The following B3GAT1 variants were observed in gnomAD, a reference collection of about 807,000 sequenced individuals.
The protein encoded by B3GAT1 is galactosylgalactosylxylosylprotein 3-beta-glucuronosyltransferase 1.
Under a neutral mutation model 28.4 loss-of-function variants are expected in B3GAT1, and 11 were observed. The observed-to-expected ratio is 0.39, with a 90% CI of 0.24 to 0.64. B3GAT1 has a LOEUF of 0.64. B3GAT1 is among the 30% of genes least tolerant of loss of function. The pLI is 0.50. For missense variants in B3GAT1, 375 were observed against 491.0 expected (o/e 0.76, Z 2.23); for synonymous variants, 255 against 223.1 (o/e 1.14, Z -1.27).
chr11:134,382,691 G>A lies in B3GAT1; in HGVS notation c.918+19C>T, dbSNP rs1944162342. ...TTGAGACATTGCATCACAGCTGTCA[G>A]TTCTGCGGAGGGTCTCACCTTGGTG... On this transcript the variant is annotated intron_variant, in intron 4 of 5. Coordinates refer to ENST00000312527, the MANE Select transcript of B3GAT1 (RefSeq NM_054025.3). The A allele has an allele frequency of 1.2e-6, 2 of 1,605,228 alleles. No homozygotes were observed. Among genetic ancestry groups the A allele is most frequent in the South Asian group, 2.2e-5 (2 of 90,214 alleles).
In B3GAT1 at chr11:134,382,776, T is replaced by C; in HGVS notation, c.852A>G (p.Glu284=). 1 of 1,614,164 alleles carries C rather than the reference T, an allele frequency of 6.2e-7. No homozygotes were observed. The highest frequency in any genetic ancestry group is 8.5e-7 in the Non-Finnish European group (1 of 1,180,018). ...TGACAAGTTCTCGAAGGAGGCTGCTTTCCTGGTAGCCTCCCTTCACACCTC... is the reference window on the plus strand; with the variant it reads ...TGACAAGTTCTCGAAGGAGGCTGCTCTCCTGGTAGCCTCCCTTCACACCTC... ...KLRGVKGGYQ[E]SSLLRELVTL... is the part of the protein sequence containing the mutation. The change falls in exon 4 of 6, where the codon GAA becomes GAG. Residue 284 remains glutamate (E), a synonymous_variant. Coordinates refer to ENST00000312527, the MANE Select transcript of B3GAT1 (RefSeq NM_054025.3).
intron 4 of B3GAT1, 76 bp from the exon 5 acceptor site, chr11:134,382,100 A>T (rs1028223011): frequency 1.7e-6 from 2 of 1,199,802 alleles, no homozygotes; most frequent in Admixed American, 3.4e-5. Context: ...TCCCTCCCAC[A>T]CTGTGTAAAC....
chr11:134,385,199 C>G (rs1944247465), intron 2 of B3GAT1: 1 of 152,338 alleles, frequency 6.6e-6, no homozygotes, highest in African/African-American at 2.4e-5. Context: ...ACAGTTTCCT[C>G]TCTTGCGGAA....
At position 134,411,670 on chromosome 11, in the gene B3GAT1, G is replaced by GCA. The variant is rs149891710; in HGVS notation, c.-282+135_-282+136dup. ...TCCAGCTGCCCCCAGCGCGCGCAGC[G>GCA]CACACACACACACACACACACACAC... On this transcript the variant is annotated intron_variant, in intron 1 of 5. Transcript: ENST00000312527. The surrounding 1 kb of genome is among the most constrained non-coding windows in gnomAD (Gnocchi z 6.0). The GCA allele has an allele frequency of 0.052, 7,505 of 144,662 alleles. 236 individuals are homozygous for GCA. The highest frequency in any genetic ancestry group is 0.097 in the African/African-American group (3,841 of 39,652). The allele number at this position is 144,662 out of a possible 1,614,324, so 9.0% of individuals were successfully genotyped here.
intron 3 of B3GAT1, 127 bp from the exon 4 acceptor site, chr11:134,383,133 G>A (rs1484996231): frequency 9.3e-7 from 1 of 1,076,040 alleles, no homozygotes; most frequent in Non-Finnish European, 1.3e-6. Flanking sequence ...CCACCTAGGG[G>A]GTGTCCAGTA....
At chr11:134,405,862 T>A (rs1222136780) in intron 1 of B3GAT1, among the ~76,000 whole-genome samples, 1 of 152,230 alleles carries the variant, frequency 6.6e-6, no homozygotes, top group Non-Finnish European at 1.5e-5. Context: ...AGCACCAGCC[T>A]GGCTACCAAT....
Position 134,384,061 on chromosome 11 carries a change from G to A in B3GAT1, c.240C>T (p.Ser80=). Residue 80 remains serine (S), a synonymous_variant, in exon 3 of 6, where the codon TCC becomes TCT. Transcript: ENST00000312527. ...EYVYTRPPPW[S]DTLPTIHVVT... ...CCACGTGGATGGTGGGCAGCGTGTC[G>A]GACCATGGCGGGGGCCGCGTGTACA... 1 of 1,604,168 alleles carries A rather than the reference G, an allele frequency of 6.2e-7. No individual in the cohort carries two copies. Among genetic ancestry groups the A allele is most frequent in the Non-Finnish European group, 8.5e-7 (1 of 1,178,460 alleles).
intron 1 of B3GAT1, among the ~76,000 whole-genome samples, chr11:134,400,322 A>G (rs1016266916): frequency 2.0e-5 from 3 of 152,144 alleles, no homozygotes; most frequent in Non-Finnish European, 2.9e-5. Flanking sequence ...TTCCCACACC[A>G]GGGCCCAGAG....
At chr11:134,399,431 C>T (rs1003882776) in intron 1 of B3GAT1, among the ~76,000 whole-genome samples, 3 of 152,240 alleles carry the variant, frequency 2.0e-5, no homozygotes, top group African/African-American at 2.4e-5. Flanking sequence ...CTCCAGTGGG[C>T]GCACACCCAC....
At chr11:134,399,666 C>T (rs1944573720) in intron 1 of B3GAT1, among the ~76,000 whole-genome samples, 1 of 152,206 alleles carries the variant, frequency 6.6e-6, no homozygotes, top group Non-Finnish European at 1.5e-5. Context: ...GCTAGGAGGG[C>T]TGTGACCCTC....
chr11:134,403,408 G>A (rs1167288704), intron 1 of B3GAT1, among the ~76,000 whole-genome samples: 2 of 152,190 alleles, frequency 1.3e-5, no homozygotes, highest in African/African-American at 4.8e-5. Flanking sequence ...ACCAGGCCAG[G>A]TACACTCAGC....
At chr11:134,395,852 G>A (rs1944494829) in intron 1 of B3GAT1, among the ~76,000 whole-genome samples, 1 of 152,202 alleles carries the variant, frequency 6.6e-6, no homozygotes, top group Non-Finnish European at 1.5e-5. Flanking sequence ...CTAAGGGTCA[G>A]GAGTCCAGGG....
chr11:134,401,882 T>C (rs779620947), intron 1 of B3GAT1, among the ~76,000 whole-genome samples: 2 of 145,636 alleles, frequency 1.4e-5, no homozygotes, highest in East Asian at 4.0e-4. Context: ...CATTCTTCTC[T>C]CCCCAGCACG....
Position 134,384,102 on chromosome 11 carries a change from C to G in B3GAT1, c.199G>C (p.Val67Leu), listed in dbSNP as rs766405068. 2 of 1,591,774 alleles carry G rather than the reference C, an allele frequency of 1.3e-6. No individual in the cohort carries two copies. The highest frequency in any genetic ancestry group is 2.2e-5 in the South Asian group (2 of 90,682). ...CGCGTGTACACGTACTCGGTGCGCA[C>G]CACCTCCACGATGTCGCGGTCAGAC... ...CTSDRDIVEV[V>L]RTEYVYTRPP... is the part of the protein sequence containing the mutation. Residue 67 changes from valine (V) to leucine (L), a missense_variant, in exon 3 of 6, where the codon GTG (valine) becomes CTG (leucine). Physicochemically the swap from Val to Leu is conservative, Grantham distance 32 (BLOSUM62 1). Coordinates refer to ENST00000312527, the MANE Select transcript of B3GAT1 (RefSeq NM_054025.3).
intron 2 of B3GAT1, chr11:134,384,788 T>C (rs142187388): frequency 3.3e-5 from 5 of 152,464 alleles, no homozygotes; most frequent in African/African-American, 1.2e-4. Context: ...CAGAACTTCC[T>C]ATTTCACCGC....
At chr11:134,382,472 A>T (rs1019044869) in intron 4 of B3GAT1, among the ~76,000 whole-genome samples, 1 of 152,232 alleles carries the variant, frequency 6.6e-6, no homozygotes, top group African/African-American at 2.4e-5. Flanking sequence ...CTCAGCAGGG[A>T]GGTGCTGGAG....
intron 1 of B3GAT1, among the ~76,000 whole-genome samples, chr11:134,394,920 C>G (rs1394983445): frequency 6.6e-6 from 1 of 152,036 alleles, no homozygotes; most frequent in Non-Finnish European, 1.5e-5. Context: ...CAGAAATAGT[C>G]TTTGGCTTTG....
intron 1 of B3GAT1, among the ~76,000 whole-genome samples, chr11:134,407,768 C>T (rs1160432443): frequency 6.6e-6 from 1 of 151,158 alleles, no homozygotes; most frequent in Non-Finnish European, 1.5e-5. Flanking sequence ...CATAACCCTT[C>T]CAAAGCTAAA....
At chr11:134,404,631 C>CCAGG (rs1234849189) in intron 1 of B3GAT1, among the ~76,000 whole-genome samples, 1 of 152,096 alleles carries the variant, frequency 6.6e-6, no homozygotes, top group Non-Finnish European at 1.5e-5. Flanking sequence ...GTGACAGGCA[C>CCAGG]CAGGTATGCC....
Sources: allele counts gnomAD v4.1 joint callset (sites outside exome capture counted in the v4.1 genomes callset), GRCh38; gene constraint gnomAD v4.1.1; non-coding constraint Gnocchi (gnomAD v3.1); transcripts MANE v1.5; gene names NCBI Gene and HGNC (gene_info 2026-07-23, HGNC 2026-07-21).